TBC1D8: variants seen among roughly 807,000 people sequenced by gnomAD.
TBC1D8 encodes the protein BUB2-like protein 1.
TBC1D8 carries 65 observed loss-of-function variants against 118.8 expected under a neutral mutation model. The observed-to-expected ratio is 0.55, with a 90% CI of 0.45 to 0.67. The LOEUF (loss-of-function observed/expected upper bound fraction) is 0.67. TBC1D8 is among the 30% of genes least tolerant of loss of function. The pLI, the probability that TBC1D8 is intolerant of heterozygous loss-of-function variation, is 0.00. For missense variants in TBC1D8, 1,376 were observed against 1,471.2 expected (o/e 0.94, Z 1.06); for synonymous variants, 566 against 595.8 (o/e 0.95, Z 0.73).
intron 1 of TBC1D8, among the ~76,000 whole-genome samples, chr2:101,097,200 T>A (rs1676514561): frequency 6.6e-6 from 1 of 151,928 alleles, no homozygotes. Context: ...AAAAAAAACC[T>A]AGAATTCTAT....
At chr2:101,071,238 G>A (rs565218950) in intron 2 of TBC1D8, among the ~76,000 whole-genome samples, 73 of 152,188 alleles carry the variant, frequency 4.8e-4, no homozygotes, top group African/African-American at 1.5e-3. Flanking sequence ...CCAGCTACTC[G>A]GGAGGCTGAG....
rs1310095766 is a variant in TBC1D8 at position 101,036,140 on chromosome 2, C to T, written c.1481G>A (p.Trp494Ter). The T allele has an allele frequency of 1.9e-6, 3 of 1,613,928 alleles. No individual in the cohort carries two copies. Among genetic ancestry groups the T allele is most frequent in the Admixed American group, 3.3e-5 (2 of 60,012 alleles). ...GCCGTATTCCACAAAGTGGTCATTCCACAGGCTTATTTTTATCTGTTCTCT... is the reference window on the plus strand; with the variant it reads ...GCCGTATTCCACAAAGTGGTCATTCTACAGGCTTATTTTTATCTGTTCTCT... ...MSREQIKISL[W>*]NDHFVEYGRT... The change falls in exon 9 of 20, where the codon TGG becomes TAG. Residue 494 changes from tryptophan (W) to a stop codon, truncating the protein, a stop_gained. Coordinates refer to ENST00000409318, the MANE Select transcript of TBC1D8 (RefSeq NM_001330348.2). LOFTEE classifies it high-confidence loss of function.
intron 1 of TBC1D8, among the ~76,000 whole-genome samples, chr2:101,148,992 C>A (rs957585323): frequency 6.6e-6 from 1 of 152,152 alleles, no homozygotes; most frequent in Non-Finnish European, 1.5e-5. Context: ...CCACAGCACA[C>A]GTGGCAGGTC....
At chr2:101,084,104 G>A (rs1211231430) in intron 2 of TBC1D8, among the ~76,000 whole-genome samples, 1 of 152,166 alleles carries the variant, frequency 6.6e-6, no homozygotes, top group Admixed American at 6.6e-5. Context: ...TGCGCCCAGT[G>A]GGAACTAAAG....
chr2:101,054,611 T>TGG (rs1314473528), intron 3 of TBC1D8, among the ~76,000 whole-genome samples: 1 of 149,988 alleles, frequency 6.7e-6, no homozygotes, highest in Non-Finnish European at 1.5e-5. Context: ...CATGAGGCTC[T>TGG]GGGCAAATCA....
chr2:101,039,055 T>C (rs1175491561), intron 6 of TBC1D8, among the ~76,000 whole-genome samples: 1 of 152,030 alleles, frequency 6.6e-6, no homozygotes, highest in Non-Finnish European at 1.5e-5. Context: ...GGATGGTTGC[T>C]AGGGGCTGGG....
At chr2:101,141,055 C>T (rs1383921802) in intron 1 of TBC1D8, among the ~76,000 whole-genome samples, 2 of 152,122 alleles carry the variant, frequency 1.3e-5, no homozygotes, top group Non-Finnish European at 2.9e-5. Context: ...AGCCACCGTG[C>T]CCAGCCTACT....
At chr2:101,104,289 C>G (rs1370786748) in intron 1 of TBC1D8, among the ~76,000 whole-genome samples, 1 of 152,190 alleles carries the variant, frequency 6.6e-6, no homozygotes, top group African/African-American at 2.4e-5. Flanking sequence ...TAATTCCTCC[C>G]AATTTTATCT....
chr2:101,149,065 C>A (rs1029963651), intron 1 of TBC1D8, among the ~76,000 whole-genome samples: 2 of 152,178 alleles, frequency 1.3e-5, no homozygotes, highest in African/African-American at 2.4e-5. Context: ...TCTGGCTGCA[C>A]ATGTCATCCT....
At chr2:101,137,962 G>A (rs554548634) in intron 1 of TBC1D8, among the ~76,000 whole-genome samples, 82 of 152,322 alleles carry the variant, frequency 5.4e-4, no homozygotes, top group African/African-American at 1.9e-3. Flanking sequence ...GGTTTAATTG[G>A]CTCACAGTTC....
At chr2:101,038,750 AC>A in intron 6 of TBC1D8, 95 bp from the exon 7 acceptor site, 1 of 1,347,336 alleles carries the variant, frequency 7.4e-7, no homozygotes, top group Non-Finnish European at 1.0e-6. Flanking sequence ...AGGGCAAGGC[AC>A]AATCACTGCA....
intron 1 of TBC1D8, among the ~76,000 whole-genome samples, chr2:101,146,687 C>T (rs1679330145): frequency 6.6e-6 from 1 of 152,190 alleles, no homozygotes; most frequent in Admixed American, 6.5e-5. Context: ...GTTAGCATAT[C>T]CATTACCTCA....
intron 13 of TBC1D8, 34 bp downstream of exon 13, chr2:101,028,269 C>T (rs1282235796): frequency 3.1e-6 from 5 of 1,593,704 alleles, no homozygotes; most frequent in Non-Finnish European, 3.4e-6. Flanking sequence ...GGGTTAGGGG[C>T]TGCAACGGGG....
chr2:101,038,131 G>C (rs1681144277), intron 7 of TBC1D8, among the ~76,000 whole-genome samples: 1 of 152,118 alleles, frequency 6.6e-6, no homozygotes, highest in Admixed American at 6.5e-5. Flanking sequence ...CAGCCACCCC[G>C]GGACCACCTC....
chr2:101,117,821 C>T (rs781297156), intron 1 of TBC1D8, among the ~76,000 whole-genome samples: 10 of 150,662 alleles, frequency 6.6e-5, no homozygotes, highest in East Asian at 2.0e-4. Flanking sequence ...GTGATCCGCC[C>T]GGCTCGGCCT....
intron 2 of TBC1D8, among the ~76,000 whole-genome samples, chr2:101,065,849 T>C (rs1682984529): frequency 6.6e-6 from 1 of 152,208 alleles, no homozygotes; most frequent in Non-Finnish European, 1.5e-5. Context: ...CCATTAGACA[T>C]ACTTTTCAGA....
intron 17 of TBC1D8, among the ~76,000 whole-genome samples, chr2:101,014,546 T>TGAGG (rs1679471931): frequency 6.6e-6 from 1 of 152,250 alleles, no homozygotes; most frequent in African/African-American, 2.4e-5. Flanking sequence ...GTTTTTTCCC[T>TGAGG]GAGGGAGGCT....
intron 1 of TBC1D8, among the ~76,000 whole-genome samples, chr2:101,090,849 T>G (rs961370675): frequency 2.6e-5 from 4 of 152,230 alleles, no homozygotes; most frequent in Non-Finnish European, 5.9e-5. Flanking sequence ...AGTTAAAGTA[T>G]CCAATATTCA....
intron 1 of TBC1D8, among the ~76,000 whole-genome samples, chr2:101,111,490 T>C (rs1484578379): frequency 6.6e-6 from 1 of 152,122 alleles, no homozygotes; most frequent in Non-Finnish European, 1.5e-5. Flanking sequence ...CGGAGGAGCA[T>C]TTCAAGGGCA....
Sources: gnomAD v4.1 joint callset for allele counts (sites outside exome capture counted in the v4.1 genomes callset) on GRCh38, gnomAD v4.1.1 for gene constraint, MANE v1.5 for transcripts, NCBI Gene and HGNC (gene_info 2026-07-23, HGNC 2026-07-21) for gene names.